Variants in CHST12 observed in about 807,000 individuals in gnomAD.
The protein encoded by CHST12 is carbohydrate sulfotransferase 12, also known as carbohydrate (chondroitin 4) sulfotransferase 12.
A neutral mutation model predicts 27.9 loss-of-function variants in CHST12; 23 were observed. The ratio of observed to expected loss-of-function variants is 0.82; its 90% confidence interval spans 0.59 to 1.17. The LOEUF (loss-of-function observed/expected upper bound fraction) is 1.17. Ranked by LOEUF, CHST12 falls within the 50% of genes most tolerant of loss-of-function variation. The pLI, the probability that CHST12 is intolerant of heterozygous loss-of-function variation, is 0.00. For synonymous variants in CHST12, 322 were observed against 273.0 expected (o/e 1.18, Z -1.77); for missense variants, 682 against 603.0 (o/e 1.13, Z -1.37).
At position 2,435,013 on chromosome 7, in the gene CHST12, C is replaced by G. The variant is rs547726556; in HGVS notation, c.*1129C>G. On this transcript the variant is annotated 3_prime_UTR_variant, in exon 2 of 2. Transcript: ENST00000618655. The stretch of plus-strand genomic sequence containing the variant: ...GGAGGATCACTTGAGCCCAGGAGTT[C>G]AAGATCAGTTTGGACCACATAGCGA... 1 of 152,140 alleles carries G rather than the reference C, an allele frequency of 6.6e-6. No homozygotes were observed. The highest frequency in any genetic ancestry group is 1.5e-5 in the Non-Finnish European group (1 of 68,132). The allele number at this position is 152,140 out of a possible 1,614,324, so 9.4% of individuals were successfully genotyped here. A position where few individuals can be genotyped will look rare whatever the true frequency, so the allele number is the denominator to read the frequency against.
At chr7:2,429,254 C>T (rs2115433577) in intron 1 of CHST12, among the ~76,000 whole-genome samples, 2 of 152,286 alleles carry the variant, frequency 1.3e-5, no homozygotes, top group South Asian at 4.1e-4. Flanking sequence ...AGGGGGTCTC[C>T]CTACAAGACA....
Position 2,447,093 on chromosome 7 carries a change from C to T in CHST12, c.*13209C>T, listed in dbSNP as rs1782774996. 2.0e-5 allele frequency: 3 copies of T among 152,406 alleles called. No homozygotes were observed. Among genetic ancestry groups the T allele is most frequent in the African/African-American group, 7.2e-5 (3 of 41,454 alleles). The allele number at this position is 152,406 out of a possible 1,614,324, so 9.4% of individuals were successfully genotyped here. On this transcript the variant is annotated 3_prime_UTR_variant, in exon 2 of 2. Transcript: ENST00000618655. ...CTGCAGAGCAGAGGAGAGTGGCCCC[C>T]AGGGACCAGCAGCACGAAAGGCACA...
At position 2,434,115 on chromosome 7, in the gene CHST12, C is replaced by T. The variant is rs1782401727; in HGVS notation, c.*231C>T. 1 of 378,414 alleles carries T rather than the reference C, an allele frequency of 2.6e-6. No individual in the cohort carries two copies. The highest frequency in any genetic ancestry group is 4.5e-5 in the Admixed American group (1 of 22,370). The allele number at this position is 378,414 out of a possible 1,614,324, so 23.4% of individuals were successfully genotyped here. A position where few individuals can be genotyped will look rare whatever the true frequency, so the allele number is the denominator to read the frequency against. On this transcript the variant is annotated 3_prime_UTR_variant, in exon 2 of 2. Coordinates refer to ENST00000618655, the MANE Select transcript of CHST12 (RefSeq NM_018641.5). ...CCCCTCTCCCCTCCGCCCGCCCACCCGCCCGCCCGCTCGCCCGCTCGCCCG... is the reference window on the plus strand; with the variant it reads ...CCCCTCTCCCCTCCGCCCGCCCACCTGCCCGCCCGCTCGCCCGCTCGCCCG...
At position 2,432,646 on chromosome 7, in the gene CHST12, A is replaced by G; in HGVS notation, c.7A>G (p.Lys3Glu). ...CCAGCCCGCCCGGGGCAGGATGACC[A>G]AGGCCCGGCTGTTCCGGCTGTGGCT... MT[K>E]ARLFRLWLVL... Residue 3 changes from lysine (K) to glutamate (E), a missense_variant, in exon 2 of 2, where the codon AAG becomes GAG. Transcript: ENST00000618655. The G allele has an allele frequency of 6.2e-7, 1 of 1,606,162 alleles. No homozygotes were observed. The highest frequency in any genetic ancestry group is 1.1e-5 in the South Asian group (1 of 90,800).
intron 1 of CHST12, among the ~76,000 whole-genome samples, chr7:2,406,137 T>G (rs1447890331): frequency 1.3e-5 from 2 of 152,068 alleles, no homozygotes; most frequent in African/African-American, 4.8e-5. Flanking sequence ...GAGTTTCGAT[T>G]CTTAAGTTGT....
At chr7:2,418,746 T>C (rs987580119) in intron 1 of CHST12, among the ~76,000 whole-genome samples, 9 of 152,146 alleles carry the variant, frequency 5.9e-5, no homozygotes, top group African/African-American at 2.2e-4. Context: ...GCTGTGTCAG[T>C]CACTGGGCCA....
rs184271191 is a variant in CHST12 at position 2,414,281 on chromosome 7, C to A, written c.-78+10608C>A. ...TCTTTTACTTTCTTTTTTTATTTTT[C>A]TTTTTCTTTTTTTTTCTCTGAGACA... On this transcript the variant is annotated intron_variant, in intron 1 of 1. Transcript: ENST00000618655. Among the ~76,000 whole-genome samples, 142 of 151,000 alleles carry A rather than the reference C, an allele frequency of 9.4e-4. 1 individual carries two copies. Among genetic ancestry groups the A allele is most frequent in the Middle Eastern group, 3.4e-3 (1 of 294 alleles).
chr7:2,420,449 A>G (rs1417925660), intron 1 of CHST12, among the ~76,000 whole-genome samples: 2 of 151,980 alleles, frequency 1.3e-5, no homozygotes, highest in East Asian at 3.9e-4. Context: ...GGTTCCTTCC[A>G]CCTTTTGGCT....
Position 2,440,978 on chromosome 7 carries a change from C to A in CHST12, c.*7094C>A. The A allele has an allele frequency of 6.6e-6, 1 of 152,144 alleles. No homozygotes were observed. The highest frequency in any genetic ancestry group is 1.5e-5 in the Non-Finnish European group (1 of 68,034). 9.4% of individuals were successfully genotyped at this position (152,144 alleles called of 1,614,324 possible). A position where few individuals can be genotyped will look rare whatever the true frequency, so the allele number is the denominator to read the frequency against. On this transcript the variant is annotated 3_prime_UTR_variant, in exon 2 of 2. Transcript: ENST00000618655. ...TTTCCTTGTCTAAGCACCATCCTTG[C>A]TTAGGAGAGACACGGCTGTGGCTCT...
intron 1 of CHST12, among the ~76,000 whole-genome samples, chr7:2,412,610 TTGAC>T (rs575007578): frequency 3.6e-4 from 55 of 152,302 alleles, no homozygotes; most frequent in African/African-American, 1.3e-3. Flanking sequence ...AAATAGAAAT[TTGAC>T]TGTCTAGTGA....
At position 2,445,812 on chromosome 7, in the gene CHST12, G is replaced by A. The variant is rs1000736756; in HGVS notation, c.*11928G>A. On this transcript the variant is annotated 3_prime_UTR_variant, in exon 2 of 2. Coordinates refer to ENST00000618655, the MANE Select transcript of CHST12 (RefSeq NM_018641.5). ...CACCCTTTAAGGAGAAAGTGGCCTG[G>A]GGCTGGAAACAGGACTTTGTAGGGA... The A allele has an allele frequency of 3.3e-5, 5 of 152,396 alleles. No individual in the cohort carries two copies. The highest frequency in any genetic ancestry group is 9.6e-5 in the African/African-American group (4 of 41,586). The allele number at this position is 152,396 out of a possible 1,614,324, so 9.4% of individuals were successfully genotyped here.
intron 1 of CHST12, chr7:2,404,051 C>T (rs576848012): frequency 6.6e-5 from 10 of 152,322 alleles, no homozygotes; most frequent in African/African-American, 2.2e-4. Flanking sequence ...CGGCATCAGC[C>T]TCTGCCGCCC....
chr7:2,439,755 T>G lies in CHST12; in HGVS notation c.*5871T>G, dbSNP rs1012487737. ...TTAGCCGGGCGTGGTGGTGGGCGCC[T>G]GTAGTCCCAGCTACTCGGGAGGCTG... On this transcript the variant is annotated 3_prime_UTR_variant, in exon 2 of 2. Transcript: ENST00000618655. 1.1e-4 allele frequency: 17 copies of G among 151,650 alleles called. No homozygotes were observed. The highest frequency in any genetic ancestry group is 3.6e-4 in the African/African-American group (15 of 41,354). The allele number at this position is 151,650 out of a possible 1,614,324, so 9.4% of individuals were successfully genotyped here. A position where few individuals can be genotyped will look rare whatever the true frequency, so the allele number is the denominator to read the frequency against.
intron 1 of CHST12, among the ~76,000 whole-genome samples, chr7:2,406,445 ACAGTTGAGTACGGGGTGGG>A (rs1781526148): frequency 2.3e-4 from 1 of 4,262 alleles, no homozygotes; most frequent in Non-Finnish European, 4.8e-4. Context: ...GGGTGGGGGC[ACAGTTGAGTACGGGGTGGG>A]GGCACAGTTG....
At chr7:2,431,962 C>T (rs958355057) in intron 1 of CHST12, among the ~76,000 whole-genome samples, 1 of 151,864 alleles carries the variant, frequency 6.6e-6, no homozygotes, top group African/African-American at 2.4e-5. Flanking sequence ...AGAAAGATTA[C>T]AGAGCTCACT....
intron 1 of CHST12, among the ~76,000 whole-genome samples, chr7:2,416,108 T>G (rs955060500): frequency 6.6e-6 from 1 of 152,244 alleles, no homozygotes; most frequent in Non-Finnish European, 1.5e-5. Flanking sequence ...AAATCTTTTC[T>G]GGTCATCTCA....
rs1034071976 is a variant in CHST12, at chr7:2,435,666, C to T, written c.*1782C>T. 1 of 152,310 alleles carries T rather than the reference C, an allele frequency of 6.6e-6. No individual in the cohort carries two copies. The highest frequency in any genetic ancestry group is 2.4e-5 in the African/African-American group (1 of 41,432). The allele number at this position is 152,310 out of a possible 1,614,324, so 9.4% of individuals were successfully genotyped here. A position where few individuals can be genotyped will look rare whatever the true frequency, so the allele number is the denominator to read the frequency against. ...CTGGCCACGCTCAGTTGGGACATAC[C>T]CTGGTGTCCTCTGTGTGTGGTGTCC... On this transcript the variant is annotated 3_prime_UTR_variant, in exon 2 of 2. Transcript: ENST00000618655.
In CHST12 at chr7:2,433,618, C is replaced by A; in HGVS notation, c.979C>A (p.Arg327Ser). ...PFNEHWRQVY[R>S]LCHPCQIDYD... Reference sequence around the variant, plus strand: ...CAACGAGCACTGGCGGCAGGTGTACCGCCTCTGCCACCCGTGCCAGATCGA... The same window carrying A: ...CAACGAGCACTGGCGGCAGGTGTACAGCCTCTGCCACCCGTGCCAGATCGA... Residue 327 changes from arginine to serine, a missense_variant, in exon 2 of 2, where the codon CGC becomes AGC. Arg to Ser is a moderately radical substitution (Grantham distance 110). Transcript: ENST00000618655. The surrounding 1 kb of genome is among the most constrained non-coding windows in gnomAD (Gnocchi z 6.1). 2 of 1,613,654 alleles carry A rather than the reference C, an allele frequency of 1.2e-6. No individual in the cohort carries two copies.
rs1583236610 is a variant in CHST12, at chr7:2,445,439, C to T, written c.*11555C>T. ...GAGAGGGCCACGGTTCCTTCAGTTT[C>T]TCCGTTCCTACGGGCCTCTTTCTTT... is the stretch of plus-strand genomic sequence containing the variant. On this transcript the variant is annotated 3_prime_UTR_variant, in exon 2 of 2. Coordinates refer to ENST00000618655, the MANE Select transcript of CHST12 (RefSeq NM_018641.5). 1 of 152,280 alleles carries T rather than the reference C, an allele frequency of 6.6e-6. No individual in the cohort carries two copies. The highest frequency in any genetic ancestry group is 1.9e-4 in the East Asian group (1 of 5,202). 9.4% of individuals were successfully genotyped at this position (152,280 alleles called of 1,614,324 possible).
Sources: allele counts gnomAD v4.1 joint callset (sites outside exome capture counted in the v4.1 genomes callset), GRCh38; gene constraint gnomAD v4.1.1; non-coding constraint Gnocchi (gnomAD v3.1); transcripts MANE v1.5; gene names NCBI Gene and HGNC (gene_info 2026-07-23, HGNC 2026-07-21).